STK3: variants seen among roughly 807,000 people sequenced by gnomAD.
The protein encoded by STK3 is serine/threonine kinase 3.
In STK3, 41 loss-of-function variants were observed where a neutral mutation model predicts 58.0. The ratio of observed to expected loss-of-function variants is 0.71; its 90% CI spans 0.55 to 0.92. The LOEUF (loss-of-function observed/expected upper bound fraction) is 0.92, where lower values mean the gene tolerates loss of function less well. STK3 is among the 40% of genes least tolerant of loss of function. The pLI, the probability that STK3 is intolerant of heterozygous loss-of-function variation, is 0.00. For missense variants in STK3, 479 were observed against 602.7 expected (o/e 0.79, Z 2.15); for synonymous variants, 170 against 191.0 (o/e 0.89, Z 0.91).
the STK3 span, among the ~76,000 whole-genome samples, chr8:98,362,658 G>C: frequency 2.0e-5 from 3 of 152,146 alleles, no homozygotes; most frequent in African/African-American, 7.2e-5. Flanking sequence ...TATGGGAGGA[G>C]AGCATCCATT....
chr8:98,773,413 T>C (rs1036669449), intron 2 of STK3, among the ~76,000 whole-genome samples: 3 of 152,206 alleles, frequency 2.0e-5, no homozygotes, highest in Non-Finnish European at 4.4e-5. Flanking sequence ...ATATTGCTAC[T>C]ATTACTTTCT....
chr8:98,360,884 T>C, the STK3 span, among the ~76,000 whole-genome samples: 1 of 152,180 alleles, frequency 6.6e-6, no homozygotes, highest in Non-Finnish European at 1.5e-5. Context: ...TGCAAAATGA[T>C]CCATAAACAA....
chr8:98,511,278 T>A (rs1294890646), intron 10 of STK3, among the ~76,000 whole-genome samples: 1 of 151,994 alleles, frequency 6.6e-6, no homozygotes, highest in Admixed American at 6.6e-5. Context: ...TATTTACATA[T>A]CCCATAACTT....
intron 6 of STK3, chr8:98,633,589 C>G: frequency 2.7e-6 from 2 of 744,026 alleles, no homozygotes; most frequent in South Asian, 2.8e-5. Context: ...GTCTTTCAGT[C>G]AGCAGTCTCA....
chr8:98,486,078 T>C (rs1203133663), intron 10 of STK3, among the ~76,000 whole-genome samples: 6 of 152,220 alleles, frequency 3.9e-5, no homozygotes, highest in Admixed American at 3.3e-4. Context: ...GAAAAGATCT[T>C]AGGCCCCAGG....
chr8:98,591,832 A>C (rs1275940971), intron 7 of STK3, among the ~76,000 whole-genome samples: 1 of 152,210 alleles, frequency 6.6e-6, no homozygotes, highest in Non-Finnish European at 1.5e-5. Flanking sequence ...AGGGTAGTTT[A>C]TACATTCCCC....
intron 6 of STK3, among the ~76,000 whole-genome samples, chr8:98,634,393 G>A (rs550277626): frequency 6.6e-6 from 1 of 151,982 alleles, no homozygotes; most frequent in Non-Finnish European, 1.5e-5. Context: ...CCAGCTACTC[G>A]GGAGGCTGAG....
chr8:98,878,170 A>G (rs1306614716), intron 3 of STK3, among the ~76,000 whole-genome samples: 11 of 151,018 alleles, frequency 7.3e-5, no homozygotes, highest in Non-Finnish European at 1.6e-4. Flanking sequence ...CTCGTGCCTC[A>G]GCCTCCTGAG....
chr8:98,584,691 T>C (rs1448972612), intron 7 of STK3, among the ~76,000 whole-genome samples: 9 of 150,566 alleles, frequency 6.0e-5, no homozygotes, highest in African/African-American at 2.2e-4. Flanking sequence ...TCCACAATGG[T>C]TGAACTAGTT....
At chr8:98,741,645 A>G (rs1429761807) in intron 4 of STK3, among the ~76,000 whole-genome samples, 1 of 152,220 alleles carries the variant, frequency 6.6e-6, no homozygotes, top group Admixed American at 6.5e-5. Context: ...AGAAAGCAGG[A>G]AAGATCCAAA....
At chr8:98,579,310 C>T (rs982409855) in intron 8 of STK3, among the ~76,000 whole-genome samples, 8 of 152,082 alleles carry the variant, frequency 5.3e-5, no homozygotes, top group Admixed American at 2.0e-4. Flanking sequence ...TGCTATGGTA[C>T]GTTTTATCTA....
At position 98,856,320 on chromosome 8, in the gene STK3, C is replaced by CAA. The variant is rs71572026; in HGVS notation, c.110+27325_110+27326dup. 1.0e-3 allele frequency among the ~76,000 whole-genome samples: 105 copies of CAA among 101,582 alleles called. 1 individual carries two copies. The highest frequency in any genetic ancestry group is 1.8e-3 in the Admixed American group (19 of 10,620). The allele number at this position is 101,582 out of a possible 152,430, so 66.6% of individuals were successfully genotyped here. On this transcript the variant is annotated intron_variant, in intron 3 of 12. Coordinates refer to the STK3 transcript ENST00000523601. Reference sequence around the variant, plus strand: ...TGACAGAGTGAGTGAGACTCCATCTCAAAAAAAAAAAAAAAGAGTTCTTTC... The same window carrying CAA: ...TGACAGAGTGAGTGAGACTCCATCTCAAAAAAAAAAAAAAAAAGAGTTCTTTC...
intron 1 of STK3, among the ~76,000 whole-genome samples, chr8:98,386,982 T>G (rs1021262047): frequency 3.3e-5 from 5 of 152,064 alleles, no homozygotes; most frequent in Non-Finnish European, 7.4e-5. Context: ...AAACAAAAAA[T>G]ATGTAAATGC....
At chr8:98,476,129 T>A (rs553187482) in intron 10 of STK3, among the ~76,000 whole-genome samples, 1 of 152,210 alleles carries the variant, frequency 6.6e-6, no homozygotes, top group African/African-American at 2.4e-5. Flanking sequence ...TTCAAAACAT[T>A]GGGGGAGAAA....
At chr8:98,545,763 C>T (rs1042001447) in intron 9 of STK3, among the ~76,000 whole-genome samples, 10 of 152,022 alleles carry the variant, frequency 6.6e-5, no homozygotes, top group Admixed American at 2.6e-4. Flanking sequence ...TATTAGGGAA[C>T]AAAAATGCTA....
intron 6 of STK3, chr8:98,598,104 A>G: frequency 1.0e-6 from 1 of 985,360 alleles, no homozygotes; most frequent in Non-Finnish European, 1.2e-6. Context: ...CTGACCTCAA[A>G]CTGCAGGTAA....
chr8:98,472,483 C>G (rs1225436076), intron 10 of STK3, among the ~76,000 whole-genome samples: 1 of 152,126 alleles, frequency 6.6e-6, no homozygotes, highest in Non-Finnish European at 1.5e-5. Context: ...ATATATTTTA[C>G]AGTACTTCAC....
intron 10 of STK3, among the ~76,000 whole-genome samples, chr8:98,492,511 A>C (rs938146100): frequency 6.6e-6 from 1 of 152,210 alleles, no homozygotes; most frequent in Non-Finnish European, 1.5e-5. Context: ...TATGCTGAAG[A>C]TAGTAATAAT....
intron 6 of STK3, among the ~76,000 whole-genome samples, chr8:98,635,470 C>T (rs1299941414): frequency 6.6e-6 from 1 of 152,066 alleles, no homozygotes; most frequent in South Asian, 2.1e-4. Flanking sequence ...AAATAAAGGA[C>T]AGAGTTGAAA....
Sources: allele counts gnomAD v4.1 joint callset (sites outside exome capture counted in the v4.1 genomes callset), GRCh38; gene constraint gnomAD v4.1.1; transcripts MANE v1.5; gene names NCBI Gene and HGNC (gene_info 2026-07-23, HGNC 2026-07-21).